The following VSTM2A variants were observed in gnomAD, a reference collection of about 807,000 sequenced individuals.
The protein encoded by VSTM2A is V-set and transmembrane domain containing 2A.
In VSTM2A, 13 loss-of-function variants were observed where a neutral mutation model predicts 27.3. The observed-to-expected ratio is 0.48, with a 90% CI of 0.31 to 0.76. The LOEUF (loss-of-function observed/expected upper bound fraction) is 0.76. VSTM2A is among the 30% of genes least tolerant of loss of function. The pLI is 0.05. For missense variants in VSTM2A, 280 were observed against 310.0 expected, an observed-to-expected ratio of 0.90 and a Z score of 0.73; for synonymous variants, 142 against 125.7, an observed-to-expected ratio of 1.13 and a Z score of -0.87.
At chr7:54,544,309 G>A (rs553794379) in intron 1 of VSTM2A, among the ~76,000 whole-genome samples, 1 of 152,306 alleles carries the variant, frequency 6.6e-6, no homozygotes, top group Non-Finnish European at 1.5e-5. Context: ...CTCAGTAAAT[G>A]TTGTGGAATA....
chr7:54,543,063 G>A lies in VSTM2A; in HGVS notation c.79+254G>A, dbSNP rs1787836848. Among the ~76,000 whole-genome samples, 4 of 150,866 alleles carry A rather than the reference G, an allele frequency of 2.7e-5. No homozygotes were observed. The South Asian group carries it at 8.3e-4, about 31-fold the overall frequency. On this transcript the variant is annotated intron_variant, in intron 1 of 4. Coordinates refer to ENST00000402613, the MANE Select transcript of VSTM2A (RefSeq NM_001301009.2). The stretch of plus-strand genomic sequence containing the variant: ...GTGAGCACAAACACAGGGTCGTGTG[G>A]TGTGTGTGTGTGGGTGTGTGTGTGC...
At chr7:54,546,611 C>G (rs926417600) in intron 2 of VSTM2A, 1 of 194,074 alleles carries the variant, frequency 5.2e-6, no homozygotes, top group Non-Finnish European at 1.0e-5. Context: ...CACGGGTCAA[C>G]CCGCGAAAAA....
At chr7:54,557,769 A>T (rs1246675256) in intron 4 of VSTM2A, 1 of 152,208 alleles carries the variant, frequency 6.6e-6, no homozygotes, top group Non-Finnish European at 1.5e-5. Flanking sequence ...TAATAATATG[A>T]CTATTATTGC....
intron 4 of VSTM2A, chr7:54,557,338 T>A (rs35963607): frequency 1.6e-5 from 2 of 127,948 alleles, no homozygotes; most frequent in Non-Finnish European, 3.5e-5. Flanking sequence ...TTTTTTTTTG[T>A]TGTTGTTTTG....
chr7:54,553,697 G>T (rs939588833), intron 4 of VSTM2A, among the ~76,000 whole-genome samples: 2 of 152,138 alleles, frequency 1.3e-5, no homozygotes, highest in Non-Finnish European at 2.9e-5. Flanking sequence ...TTTCAGAGAG[G>T]AGGGTGGCAC....
intron 4 of VSTM2A, 142 bp from the exon 5 acceptor site, chr7:54,568,989 T>C: frequency 1.3e-6 from 2 of 1,580,642 alleles, no homozygotes; most frequent in Non-Finnish European, 1.7e-6. Flanking sequence ...TGAGCGAATA[T>C]CTTATAACTT....
chr7:54,553,336 A>G (rs765618014), intron 4 of VSTM2A, among the ~76,000 whole-genome samples: 10 of 152,210 alleles, frequency 6.6e-5, no homozygotes, highest in Non-Finnish European at 1.3e-4. Context: ...CGGTTAGGCA[A>G]ACAGATAAAC....
intron 2 of VSTM2A, 94 bp from the exon 3 acceptor site, chr7:54,546,853 C>A (rs1053905236): frequency 1.3e-6 from 2 of 1,497,508 alleles, no homozygotes; most frequent in Non-Finnish European, 1.8e-6. Context: ...GTCACCCTGA[C>A]GGCCCTGCCC....
chr7:54,555,322 A>G (rs1381235124), intron 4 of VSTM2A, among the ~76,000 whole-genome samples: 1 of 152,226 alleles, frequency 6.6e-6, no homozygotes, highest in Non-Finnish European at 1.5e-5. Flanking sequence ...TTTTTTTCAA[A>G]GTGCCAACAT....
In VSTM2A at chr7:54,549,193, A is replaced by T. The variant is rs1037568087; in HGVS notation, c.298-641A>T. Among the ~76,000 whole-genome samples the T allele has an allele frequency of 7.9e-5, 12 of 152,226 alleles. No homozygotes were observed. In the East Asian group the frequency reaches 2.3e-3, roughly 29 times the overall value. On this transcript the variant is annotated intron_variant, in intron 3 of 4. Coordinates refer to ENST00000402613, the MANE Select transcript of VSTM2A (RefSeq NM_001301009.2). Reference sequence around the variant, plus strand: ...GTCCCTGTAGTATAAAGTCCCTATAATGGCATGGGATACATACTTTGAGCA... The same window carrying T: ...GTCCCTGTAGTATAAAGTCCCTATATTGGCATGGGATACATACTTTGAGCA...
chr7:54,551,295 G>T (rs1366829596), intron 4 of VSTM2A: 1 of 152,078 alleles, frequency 6.6e-6, no homozygotes, highest in African/African-American at 2.4e-5. Flanking sequence ...GCTTTTAAAT[G>T]TTTTTAAAAT....
chr7:54,566,851 C>G (rs1207477321), intron 4 of VSTM2A, among the ~76,000 whole-genome samples: 3 of 152,180 alleles, frequency 2.0e-5, no homozygotes, highest in Admixed American at 6.5e-5. Context: ...GCATTTCTGT[C>G]TTTAAAATGA....
chr7:54,557,580 C>G (rs1045777805), intron 4 of VSTM2A, among the ~76,000 whole-genome samples: 1 of 152,062 alleles, frequency 6.6e-6, no homozygotes, highest in Non-Finnish European at 1.5e-5. Context: ...GTGATCCCCT[C>G]TCTTTGGCCT....
chr7:54,566,019 C>T (rs1172681839), intron 4 of VSTM2A, among the ~76,000 whole-genome samples: 1 of 152,162 alleles, frequency 6.6e-6, no homozygotes, highest in Non-Finnish European at 1.5e-5. Context: ...TCAGACTCTT[C>T]CATTTACAAA....
chr7:54,545,855 A>G (rs1282342396), intron 2 of VSTM2A, among the ~76,000 whole-genome samples: 4 of 121,298 alleles, frequency 3.3e-5, no homozygotes, highest in Non-Finnish European at 5.1e-5. Context: ...GAAGAGAGGG[A>G]GAATTGGAGT....
In VSTM2A at chr7:54,544,631, C is replaced by G; in HGVS notation, c.89C>G (p.Thr30Ser). ...QQGLSSQAKF[T>S]EFPRNVTATE... ...CCTTTCTGTTTTGCAGCAAAATTTA[C>G]CGAGTTTCCGCGGAACGTGACGGCG... Residue 30 changes from threonine to serine, a missense_variant, in exon 2 of 5, where the codon ACC (threonine) becomes AGC (serine). Thr to Ser is a moderately conservative substitution (Grantham distance 58). Coordinates refer to ENST00000402613, the MANE Select transcript of VSTM2A (RefSeq NM_001301009.2). 1 of 1,612,908 alleles carries G rather than the reference C, an allele frequency of 6.2e-7. No individual in the cohort carries two copies. The highest frequency in any genetic ancestry group is 8.5e-7 in the Non-Finnish European group (1 of 1,179,864).
chr7:54,553,861 A>T, intron 4 of VSTM2A: 1 of 1,551,150 alleles, frequency 6.4e-7, no homozygotes, highest in East Asian at 2.4e-5. Flanking sequence ...TTCCTGTCTC[A>T]TCCAGTGTCT....
chr7:54,560,632 T>A (rs1788528837), intron 4 of VSTM2A, among the ~76,000 whole-genome samples: 1 of 152,166 alleles, frequency 6.6e-6, no homozygotes, highest in Non-Finnish European at 1.5e-5. Flanking sequence ...AGAGCATTTT[T>A]GCATGAATTC....
chr7:54,546,644 C>A, intron 2 of VSTM2A: 1 of 334,570 alleles, frequency 3.0e-6, no homozygotes, highest in Non-Finnish European at 5.4e-6. Context: ...CCCGGCCCCG[C>A]CTCCAGAGCG....
Sources: gnomAD v4.1 joint callset for allele counts (sites outside exome capture counted in the v4.1 genomes callset) on GRCh38, gnomAD v4.1.1 for gene constraint, MANE v1.5 for transcripts, NCBI Gene and HGNC (gene_info 2026-07-23, HGNC 2026-07-21) for gene names.